Variants in HIPK3 observed in about 807,000 individuals in gnomAD.
HIPK3 encodes homeodomain interacting protein kinase 3, also known as homeodomain-interacting protein kinase 3.
Under a neutral mutation model 124.2 loss-of-function variants are expected in HIPK3, and 47 were observed. That is an observed-to-expected ratio of 0.38 (90% CI 0.30 to 0.48). The LOEUF (loss-of-function observed/expected upper bound fraction) is 0.48, where lower values mean the gene tolerates loss of function less well. Among genes scored for constraint, HIPK3 ranks in the 20% least tolerant of loss-of-function variants. HIPK3 has a pLI of 0.98. For missense variants in HIPK3, 1,286 were observed against 1,454.3 expected (o/e 0.88, Z 1.88); for synonymous variants, 482 against 515.2 (o/e 0.94, Z 0.87).
chr11:33,289,418 CTGAG>C (rs1164323103), intron 2 of HIPK3, among the ~76,000 whole-genome samples: 1 of 151,936 alleles, frequency 6.6e-6, no homozygotes, highest in African/African-American at 2.4e-5. Context: ...GCACTCCAGC[CTGAG>C]TGACCGAGTG....
chr11:33,289,195 C>T (rs111568328), intron 2 of HIPK3, among the ~76,000 whole-genome samples: 149 of 152,150 alleles, frequency 9.8e-4, no homozygotes, highest in African/African-American at 3.5e-3. Flanking sequence ...CCTGCAATCC[C>T]AGCACTTTGG....
At chr11:33,328,679 T>A (rs1345878138) in intron 3 of HIPK3, 46 bp downstream of exon 3, 1 of 1,572,990 alleles carries the variant, frequency 6.4e-7, no homozygotes, top group Admixed American at 1.7e-5. Flanking sequence ...AAGTAAAGAA[T>A]AATAACAGAC....
chr11:33,269,317 C>T (rs1244949707), intron 1 of HIPK3, among the ~76,000 whole-genome samples: 1 of 151,946 alleles, frequency 6.6e-6, no homozygotes, highest in East Asian at 1.9e-4. Context: ...GGACTTAATT[C>T]CAACAGTACA....
chr11:33,349,238 A>G lies in HIPK3; in HGVS notation c.2758A>G (p.Thr920Ala). The G allele has an allele frequency of 5.0e-6, 8 of 1,613,994 alleles. No homozygotes were observed. The highest frequency in any genetic ancestry group is 6.8e-6 in the Non-Finnish European group (8 of 1,179,830). Residue 920 changes from threonine (T) to alanine (A), a missense_variant, in exon 14 of 17, where the codon ACC becomes GCC. Around this residue, in one of 3 missense-constraint regions of HIPK3, gnomAD observed 810 missense variants for 864.9 expected, o/e 0.94. Transcript: ENST00000303296. ...AAGTAGTCCTGATAGTACTCTGAGTACCAGCTCCTCAGGGCAGTCCAGCCC... is the reference window on the plus strand; with the variant it reads ...AAGTAGTCCTGATAGTACTCTGAGTGCCAGCTCCTCAGGGCAGTCCAGCCC... ...SLSSPDSTLS[T>A]SSSGQSSPSP...
intron 2 of HIPK3, among the ~76,000 whole-genome samples, chr11:33,312,528 A>G (rs1852379871): frequency 6.6e-6 from 1 of 152,222 alleles, no homozygotes; most frequent in African/African-American, 2.4e-5. Context: ...ATACATCTTT[A>G]AGGAGTGATT....
chr11:33,338,024 A>C (rs1853209774), intron 4 of HIPK3, among the ~76,000 whole-genome samples: 1 of 152,110 alleles, frequency 6.6e-6, no homozygotes, highest in African/African-American at 2.4e-5. Flanking sequence ...CTAACTCTCT[A>C]ATTCAGCAAC....
At chr11:33,289,379 A>G (rs968340184) in intron 2 of HIPK3, among the ~76,000 whole-genome samples, 3 of 152,150 alleles carry the variant, frequency 2.0e-5, no homozygotes, top group African/African-American at 7.2e-5. Context: ...CAGGTGTTAG[A>G]GGCTACAGTG....
intron 2 of HIPK3, among the ~76,000 whole-genome samples, chr11:33,299,126 T>A (rs1851920983): frequency 6.6e-6 from 1 of 150,628 alleles, no homozygotes; most frequent in South Asian, 2.2e-4. Context: ...GGATTACAGG[T>A]GTGAGCCACT....
Position 33,279,642 on chromosome 11 carries a change from TA to T in HIPK3, c.-2-6768del, listed in dbSNP as rs1851361984. ...TGGATAGAGTAGTTCAGATGCGACT[TA>T]AAGTTTGTTAGAGGATTGGAAAAAT... is the stretch of plus-strand genomic sequence containing the variant. On this transcript the variant is annotated intron_variant, in intron 1 of 16. Transcript: ENST00000303296. 3.3e-5 allele frequency among the ~76,000 whole-genome samples: 5 copies of T among 152,274 alleles called. No individual in the cohort carries two copies. In the South Asian group the frequency reaches 1.0e-3, roughly 32 times the overall value.
rs143169582 is a variant in HIPK3 at position 33,341,566 on chromosome 11, T to C, written c.1777T>C (p.Leu593=). 24 of 1,608,128 alleles carry C rather than the reference T, an allele frequency of 1.5e-5. No homozygotes were observed. In the African/African-American group the frequency reaches 3.1e-4, roughly 21 times the overall value. ...TKIGTLRSQA[L]TTSAHSVVHH... is the part of the protein sequence containing the mutation. ...TATAATGTGCTCGTTGTTTCAGGCA[T>C]TGACCACATCTGCTCATTCAGTTGT... Residue 593 remains leucine, a synonymous_variant, in exon 8 of 17, where the codon TTG becomes CTG. Coordinates refer to ENST00000303296, the MANE Select transcript of HIPK3 (RefSeq NM_005734.5).
At chr11:33,321,862 G>C (rs1852672098) in intron 2 of HIPK3, among the ~76,000 whole-genome samples, 1 of 152,146 alleles carries the variant, frequency 6.6e-6, no homozygotes, top group Non-Finnish European at 1.5e-5. Context: ...ATTAGGGGGA[G>C]AGCTGTGTAT....
chr11:33,318,358 A>C (rs926271204), intron 2 of HIPK3, among the ~76,000 whole-genome samples: 1 of 152,128 alleles, frequency 6.6e-6, no homozygotes, highest in Non-Finnish European at 1.5e-5. Flanking sequence ...TGAGTGAGCC[A>C]CAGTGACTGG....
Position 33,349,212 on chromosome 11 carries a change from T to C in HIPK3, c.2732T>C (p.Leu911Ser), listed in dbSNP as rs1234049218. The C allele has an allele frequency of 3.7e-6, 6 of 1,613,602 alleles. No individual in the cohort carries two copies. Among genetic ancestry groups the C allele is most frequent in the Non-Finnish European group, 5.1e-6 (6 of 1,179,612 alleles). ...TTGAATATTGATCGGATGTGTTCAT[T>C]AAGTAGTCCTGATAGTACTCTGAGT... is the stretch of plus-strand genomic sequence containing the variant. ...STLNIDRMCS[L>S]SSPDSTLSTS... The change falls in exon 14 of 17, where the codon TTA (leucine) becomes TCA (serine). Residue 911 changes from leucine (L) to serine (S), a missense_variant. By Grantham distance (145) the Leu-to-Ser change is moderately radical. Coordinates refer to ENST00000303296, the MANE Select transcript of HIPK3 (RefSeq NM_005734.5).
intron 1 of HIPK3, among the ~76,000 whole-genome samples, chr11:33,270,435 A>G (rs776262905): frequency 6.6e-6 from 1 of 152,166 alleles, no homozygotes; most frequent in Non-Finnish European, 1.5e-5. Flanking sequence ...CAGCCTCCCA[A>G]GTAGCTGGGA....
At chr11:33,304,041 T>G (rs965153028) in intron 2 of HIPK3, among the ~76,000 whole-genome samples, 1 of 152,080 alleles carries the variant, frequency 6.6e-6, no homozygotes, top group Non-Finnish European at 1.5e-5. Flanking sequence ...CCCAGGTTCA[T>G]GCGATTCCTC....
chr11:33,342,743 C>T (rs759273821), intron 8 of HIPK3, among the ~76,000 whole-genome samples: 13 of 151,992 alleles, frequency 8.6e-5, no homozygotes, highest in African/African-American at 1.2e-4. Context: ...TTAGTAGAGA[C>T]GGGGTTTTTC....
At chr11:33,267,409 G>A (rs530625608) in intron 1 of HIPK3, among the ~76,000 whole-genome samples, 1 of 151,884 alleles carries the variant, frequency 6.6e-6, no homozygotes, top group African/African-American at 2.4e-5. Flanking sequence ...CACTGTGCCC[G>A]GCGCACATTA....
intron 2 of HIPK3, among the ~76,000 whole-genome samples, chr11:33,295,690 CTGA>C (rs1187805682): frequency 2.0e-5 from 3 of 152,196 alleles, no homozygotes; most frequent in Non-Finnish European, 4.4e-5. Flanking sequence ...TTGCTTATGG[CTGA>C]TGTTTTCTCA....
At chr11:33,335,092 T>C (rs751968845) in intron 3 of HIPK3, among the ~76,000 whole-genome samples, 1 of 152,154 alleles carries the variant, frequency 6.6e-6, no homozygotes, top group African/African-American at 2.4e-5. Context: ...ATGGTGTTGC[T>C]ATTAACCATA....
Sources: allele counts gnomAD v4.1 joint callset (sites outside exome capture counted in the v4.1 genomes callset), GRCh38; gene constraint gnomAD v4.1.1; regional missense constraint gnomAD v4.1.1; transcripts MANE v1.5; gene names NCBI Gene and HGNC (gene_info 2026-07-23, HGNC 2026-07-21).